Variants in BRD10 observed in about 807,000 individuals in gnomAD.
BRD10 encodes bromodomain containing 10.
the BRD10 span, among the ~76,000 whole-genome samples, chr9:5,940,562 TG>T: frequency 6.6e-6 from 1 of 152,236 alleles, no homozygotes; most frequent in South Asian, 2.1e-4. Flanking sequence ...CTACCAATTT[TG>T]CTAGCTATAT....
chr9:5,924,910 C>T, the BRD10 span: 3 of 1,174,046 alleles, frequency 2.6e-6, no homozygotes, highest in African/African-American at 1.5e-5. Context: ...TCTAAACTAA[C>T]TTTTAACATT....
the BRD10 span, among the ~76,000 whole-genome samples, chr9:5,880,576 A>T: frequency 6.6e-6 from 1 of 152,200 alleles, no homozygotes; most frequent in Non-Finnish European, 1.5e-5. Flanking sequence ...TTAGCTCTTA[A>T]AAAGTCTGAA....
chr9:5,914,655 C>T, the BRD10 span, among the ~76,000 whole-genome samples: 5 of 151,892 alleles, frequency 3.3e-5, no homozygotes, highest in Admixed American at 6.6e-5. Context: ...GATCTCCTGA[C>T]CTCGTGATCT....
chr9:5,919,733 G>C, the BRD10 span: 6 of 1,613,004 alleles, frequency 3.7e-6, no homozygotes, highest in Non-Finnish European at 5.1e-6. Flanking sequence ...CTGAAAAGCA[G>C]GGAAGACAGA....
At chr9:5,918,570 A>T in the BRD10 span, among the ~76,000 whole-genome samples, 1 of 151,550 alleles carries the variant, frequency 6.6e-6, no homozygotes, top group Admixed American at 6.6e-5. Flanking sequence ...AAAATTAGGC[A>T]TGGTGGCCCA....
the BRD10 span, among the ~76,000 whole-genome samples, chr9:5,934,178 A>G: frequency 6.6e-6 from 1 of 151,988 alleles, no homozygotes; most frequent in Admixed American, 6.5e-5. Context: ...TTAAAAGAAC[A>G]GTACAAAACA....
the BRD10 span, among the ~76,000 whole-genome samples, chr9:5,896,454 A>T: frequency 3.9e-5 from 6 of 152,210 alleles, no homozygotes; most frequent in Admixed American, 1.3e-4. Context: ...TTGGAGACGG[A>T]CAGGATAAGC....
the BRD10 span, among the ~76,000 whole-genome samples, chr9:5,898,513 T>G: frequency 6.6e-6 from 1 of 152,184 alleles, no homozygotes; most frequent in Non-Finnish European, 1.5e-5. Flanking sequence ...TACACGAATT[T>G]TGGGGGACAC....
At chr9:5,984,008 C>CCCT in the BRD10 span, among the ~76,000 whole-genome samples, 2 of 150,126 alleles carry the variant, frequency 1.3e-5, no homozygotes, top group Non-Finnish European at 3.0e-5. Flanking sequence ...CACACACACC[C>CCCT]CTCTCCATCC....
chr9:6,004,025 C>T, the BRD10 span, among the ~76,000 whole-genome samples: 1 of 152,206 alleles, frequency 6.6e-6, no homozygotes, highest in African/African-American at 2.4e-5. Context: ...ATGCCTTGCA[C>T]TCACTGTAGT....
At chr9:5,887,295 G>A in the BRD10 span, among the ~76,000 whole-genome samples, 1 of 152,118 alleles carries the variant, frequency 6.6e-6, no homozygotes, top group Non-Finnish European at 1.5e-5. Flanking sequence ...ACAAGCTGGA[G>A]AGCATGTTCC....
chr9:5,959,362 A>G, the BRD10 span, among the ~76,000 whole-genome samples: 1 of 152,182 alleles, frequency 6.6e-6, no homozygotes. Context: ...ACTTTGGACA[A>G]ATAAATCTCC....
At chr9:5,921,959 G>A in the BRD10 span, 1 of 1,613,940 alleles carries the variant, frequency 6.2e-7, no homozygotes, top group Non-Finnish European at 8.5e-7. Context: ...GCTAAAAGGT[G>A]AAAGACTAGA....
chr9:5,943,303 A>C, the BRD10 span, among the ~76,000 whole-genome samples: 1 of 152,338 alleles, frequency 6.6e-6, no homozygotes, highest in South Asian at 2.1e-4. Flanking sequence ...ATAAGTACAT[A>C]ATTCAACTAT....
chr9:5,924,484 G>A, the BRD10 span, among the ~76,000 whole-genome samples: 1 of 152,024 alleles, frequency 6.6e-6, no homozygotes, highest in Non-Finnish European at 1.5e-5. Flanking sequence ...GTCTCGCTAT[G>A]TTGCCTAGGC....
the BRD10 span, among the ~76,000 whole-genome samples, chr9:5,975,176 C>T: frequency 6.6e-6 from 1 of 152,074 alleles, no homozygotes; most frequent in Non-Finnish European, 1.5e-5. Flanking sequence ...TGGCTCGTGC[C>T]TGTAATCCCA....
chr9:5,950,516 C>A, the BRD10 span, among the ~76,000 whole-genome samples: 1 of 152,064 alleles, frequency 6.6e-6, no homozygotes, highest in African/African-American at 2.4e-5. Flanking sequence ...GTTGCAGAAC[C>A]CTTGTGTTTA....
chr9:5,948,773 A>C, the BRD10 span, among the ~76,000 whole-genome samples: 1 of 152,158 alleles, frequency 6.6e-6, no homozygotes, highest in Admixed American at 6.6e-5. Flanking sequence ...TCCCGTTCTA[A>C]TAAAAAGATC....
At chr9:5,901,592 T>A in the BRD10 span, among the ~76,000 whole-genome samples, 71 of 152,166 alleles carry the variant, frequency 4.7e-4, no homozygotes, top group Non-Finnish European at 8.7e-4. Context: ...AATCTCAGCT[T>A]ACTGTAACCT....
Sources: allele counts gnomAD v4.1 joint callset (sites outside exome capture counted in the v4.1 genomes callset), GRCh38; gene constraint gnomAD v4.1.1; transcripts MANE v1.5; gene names NCBI Gene and HGNC (gene_info 2026-07-23, HGNC 2026-07-21).